The following PXT1 variants were observed in gnomAD, a reference collection of about 807,000 sequenced individuals.
The protein encoded by PXT1 is peroxisomal testis enriched protein 1.
A neutral mutation model predicts 11.0 loss-of-function variants in PXT1; 11 were observed. The observed-to-expected ratio is 1.00, with a 90% CI of 0.63 to 1.66. PXT1 has a LOEUF of 1.66. PXT1 is among the 40% of genes most tolerant of loss of function. The pLI is 0.00. For missense variants in PXT1, 141 were observed against 155.5 expected, an observed-to-expected ratio of 0.91 and a Z score of 0.49; for synonymous variants, 43 against 51.4, an observed-to-expected ratio of 0.84 and a Z score of 0.70.
intron 2 of PXT1, among the ~76,000 whole-genome samples, chr6:36,435,562 TAAGAA>T (rs1321319750): frequency 2.0e-5 from 3 of 151,810 alleles, no homozygotes; most frequent in Admixed American, 6.6e-5. Context: ...ACCCTGTCCC[TAAGAA>T]AAGAAAAGAA....
At chr6:36,424,338 G>A (rs1774570046) in intron 3 of PXT1, among the ~76,000 whole-genome samples, 1 of 152,192 alleles carries the variant, frequency 6.6e-6, no homozygotes, top group Non-Finnish European at 1.5e-5. Flanking sequence ...TGTTGACAAC[G>A]GAATTAACAA....
chr6:36,428,529 T>C (rs528391172), intron 2 of PXT1, among the ~76,000 whole-genome samples: 16 of 152,280 alleles, frequency 1.1e-4, no homozygotes, highest in African/African-American at 3.8e-4. Context: ...CATTAGCCCA[T>C]TGTGAAACTG....
chr6:36,429,381 A>C (rs1302214563), intron 2 of PXT1, among the ~76,000 whole-genome samples: 4 of 140,094 alleles, frequency 2.9e-5, no homozygotes, highest in African/African-American at 1.1e-4. Context: ...ATATATCTGC[A>C]GATGCTTCAG....
At position 36,400,573 on chromosome 6, in the gene PXT1, G is replaced by T. The variant is rs1208935201; in HGVS notation, c.181C>A (p.Leu61Ile). The T allele has an allele frequency of 6.8e-6, 11 of 1,612,982 alleles. No individual in the cohort carries two copies. The highest frequency in any genetic ancestry group is 9.3e-6 in the Non-Finnish European group (11 of 1,179,650). ...ATGCTATGCTCCTTGGGCTGAGAAA[G>T]TAGATTATGATCTGCATTGAGAAAA... is the stretch of plus-strand genomic sequence containing the variant. ...AMSRNPDHNL[L>I]SQPKEHSIVQ... is the part of the protein sequence containing the mutation. The change falls in exon 4 of 5, where the codon CTT becomes ATT. Residue 61 changes from leucine to isoleucine, a missense_variant. Physicochemically the swap from Leu to Ile is conservative, Grantham distance 5 (BLOSUM62 2). Coordinates refer to ENST00000454782, the MANE Select transcript of PXT1 (RefSeq NM_152990.4).
intron 3 of PXT1, among the ~76,000 whole-genome samples, chr6:36,403,655 C>T (rs761612808): frequency 1.3e-5 from 2 of 152,136 alleles, no homozygotes; most frequent in African/African-American, 2.4e-5. Context: ...AGGCAGATTG[C>T]CTGAGCTCAG....
intron 4 of PXT1, among the ~76,000 whole-genome samples, chr6:36,400,215 A>G (rs1774194399): frequency 6.6e-6 from 1 of 152,208 alleles, no homozygotes; most frequent in African/African-American, 2.4e-5. Flanking sequence ...GATCTTGCAC[A>G]TCTAATCAAG....
chr6:36,423,999 C>T (rs1774565104), intron 3 of PXT1, among the ~76,000 whole-genome samples: 1 of 152,226 alleles, frequency 6.6e-6, no homozygotes, highest in Non-Finnish European at 1.5e-5. Context: ...CCTGCCTCTT[C>T]TTTTGAAGTG....
Position 36,391,502 on chromosome 6 carries a change from T to C in PXT1, c.*268A>G. ...CCTGGGACCATCCACAGCGCTGGTG[T>C]TTTCTGGGCAGCAAGGCTTCCTGGG... is the stretch of plus-strand genomic sequence containing the variant. On this transcript the variant is annotated 3_prime_UTR_variant, in exon 5 of 5. Transcript: ENST00000454782. 2.3e-6 allele frequency: 1 copy of C among 435,884 alleles called. No individual in the cohort carries two copies. The highest frequency in any genetic ancestry group is 2.6e-5 in the South Asian group (1 of 38,630). The allele number at this position is 435,884 out of a possible 1,614,324, so 27.0% of individuals were successfully genotyped here.
At chr6:36,437,114 CTG>C (rs1774775544) in intron 2 of PXT1, among the ~76,000 whole-genome samples, 1 of 151,990 alleles carries the variant, frequency 6.6e-6, no homozygotes. Context: ...GGTGAAACCC[CTG>C]TCTCTACTAA....
At chr6:36,410,174 G>C (rs375509528) in intron 3 of PXT1, among the ~76,000 whole-genome samples, 3 of 146,632 alleles carry the variant, frequency 2.0e-5, no homozygotes, top group African/African-American at 7.5e-5. Context: ...AGAAAGGCCA[G>C]GTGCAGTGGC....
chr6:36,405,061 T>C (rs1196610216), intron 3 of PXT1, among the ~76,000 whole-genome samples: 1 of 152,182 alleles, frequency 6.6e-6, no homozygotes, highest in African/African-American at 2.4e-5. Flanking sequence ...TCCATGCATA[T>C]ATTGCCCCCA....
chr6:36,437,565 G>A (rs1463938428), intron 2 of PXT1, among the ~76,000 whole-genome samples: 1 of 147,850 alleles, frequency 6.8e-6, no homozygotes, highest in African/African-American at 2.5e-5. Flanking sequence ...CCAGGCTGGA[G>A]TGCAATGGCG....
At chr6:36,417,802 GAAAA>G (rs1258718930) in intron 3 of PXT1, among the ~76,000 whole-genome samples, 3 of 149,148 alleles carry the variant, frequency 2.0e-5, no homozygotes. Context: ...AAAAAGAAAA[GAAAA>G]AAAGAGAGAG....
chr6:36,434,920 C>A (rs1307677750), intron 2 of PXT1, among the ~76,000 whole-genome samples: 1 of 152,082 alleles, frequency 6.6e-6, no homozygotes, highest in African/African-American at 2.4e-5. Flanking sequence ...TCTCTTTATG[C>A]CTCTTTTAAC....
At chr6:36,401,542 G>A (rs1014064507) in intron 3 of PXT1, among the ~76,000 whole-genome samples, 6 of 151,334 alleles carry the variant, frequency 4.0e-5, no homozygotes, top group Admixed American at 2.6e-4. Context: ...GCTTGAGCCC[G>A]GGAGGGGAGG....
At chr6:36,430,918 A>C (rs907929070) in intron 2 of PXT1, among the ~76,000 whole-genome samples, 4 of 152,100 alleles carry the variant, frequency 2.6e-5, no homozygotes, top group African/African-American at 9.7e-5. Context: ...AGGCTCAAGC[A>C]ATTCTCCTGC....
chr6:36,398,290 G>A (rs1774170758), intron 4 of PXT1, among the ~76,000 whole-genome samples: 1 of 152,156 alleles, frequency 6.6e-6, no homozygotes, highest in African/African-American at 2.4e-5. Context: ...GTGTATAATA[G>A]TGCAGCCACT....
chr6:36,400,586 T>C lies in PXT1; in HGVS notation c.170-2A>G, dbSNP rs770018240. 8 of 1,611,504 alleles carry C rather than the reference T, an allele frequency of 5.0e-6. No individual in the cohort carries two copies. Among genetic ancestry groups the C allele is most frequent in the Non-Finnish European group, 6.8e-6 (8 of 1,179,218 alleles). On this transcript the variant is annotated splice_acceptor_variant, in intron 3 of 4. Transcript: ENST00000454782. LOFTEE classifies it high-confidence loss of function. ...TGGGCTGAGAAAGTAGATTATGATC[T>C]GCATTGAGAAAAAAGAGTTCAAAAG...
At position 36,436,113 on chromosome 6, in the gene PXT1, CAAAAAA is replaced by C. The variant is rs11294829; in HGVS notation, c.-10+2648_-10+2653del. Among the ~76,000 whole-genome samples the C allele has an allele frequency of 8.0e-3, 482 of 60,118 alleles. 4 individuals are homozygous for C. Among genetic ancestry groups the C allele is most frequent in the African/African-American group, 0.028 (455 of 16,214 alleles). The allele number at this position is 60,118 out of a possible 152,430, so 39.4% of individuals were successfully genotyped here. A position where few individuals can be genotyped will look rare whatever the true frequency, so the allele number is the denominator to read the frequency against. ...AAATTAATTAAAAAAAAAAGTAAGC[CAAAAAA>C]AAAAAAAAAAAAAGCCAGCATGATT... is the stretch of plus-strand genomic sequence containing the variant. On this transcript the variant is annotated intron_variant, in intron 2 of 4. Transcript: ENST00000454782.
Sources: allele counts gnomAD v4.1 joint callset (sites outside exome capture counted in the v4.1 genomes callset), GRCh38; gene constraint gnomAD v4.1.1; transcripts MANE v1.5; gene names NCBI Gene and HGNC (gene_info 2026-07-23, HGNC 2026-07-21).